The following NPAS3 variants were observed in gnomAD, a reference collection of about 807,000 sequenced individuals.
NPAS3 encodes the protein neuronal PAS domain-containing protein 3.
Under a neutral mutation model 73.1 loss-of-function variants are expected in NPAS3, and 14 were observed. The ratio of observed to expected loss-of-function variants is 0.19; its 90% confidence interval spans 0.13 to 0.30. The LOEUF (loss-of-function observed/expected upper bound fraction) is 0.30, where lower values mean the gene tolerates loss of function less well. Among genes scored for constraint, NPAS3 ranks in the 10% least tolerant of loss-of-function variants. The pLI is 1.00. For synonymous variants in NPAS3, 620 were observed against 541.5 expected, an observed-to-expected ratio of 1.14 and a Z score of -2.01; for missense variants, 1,096 against 1,250.0, an observed-to-expected ratio of 0.88 and a Z score of 1.86.
At chr14:33,435,933 G>GCAGACAT (rs2048970221) in intron 4 of NPAS3, among the ~76,000 whole-genome samples, 1 of 152,180 alleles carries the variant, frequency 6.6e-6, no homozygotes, top group South Asian at 2.1e-4. Context: ...TTGAGGCCTC[G>GCAGACAT]CAGACATCAC....
chr14:33,380,843 T>C (rs547765499), intron 4 of NPAS3, among the ~76,000 whole-genome samples: 1 of 152,218 alleles, frequency 6.6e-6, no homozygotes, highest in South Asian at 2.1e-4. Flanking sequence ...ATTCTAAAGA[T>C]ATAAAAAATG....
chr14:33,767,632 T>C (rs930080711), intron 7 of NPAS3, among the ~76,000 whole-genome samples: 1 of 151,860 alleles, frequency 6.6e-6, no homozygotes, highest in African/African-American at 2.4e-5. Flanking sequence ...TGAAGCCTTT[T>C]TCGTTCCCCT....
At chr14:33,286,236 C>A (rs2041868196) in intron 3 of NPAS3, among the ~76,000 whole-genome samples, 1 of 152,108 alleles carries the variant, frequency 6.6e-6, no homozygotes, top group South Asian at 2.1e-4. Flanking sequence ...CTACATAGAT[C>A]AATATTTTTC....
chr14:33,589,916 A>T (rs964357737), intron 5 of NPAS3, among the ~76,000 whole-genome samples: 1 of 152,194 alleles, frequency 6.6e-6, no homozygotes, highest in Non-Finnish European at 1.5e-5. Context: ...AGCACTTTTC[A>T]TTAGAGAAGA....
chr14:33,732,081 C>A (rs963376575), intron 6 of NPAS3, among the ~76,000 whole-genome samples: 1 of 152,182 alleles, frequency 6.6e-6, no homozygotes, highest in Non-Finnish European at 1.5e-5. Context: ...GACAGAAAAG[C>A]ATTTCATGTC....
At chr14:33,100,883 T>G (rs1403206916) in intron 2 of NPAS3, among the ~76,000 whole-genome samples, 1 of 152,198 alleles carries the variant, frequency 6.6e-6, no homozygotes, top group Non-Finnish European at 1.5e-5. Context: ...ATGTTATGTT[T>G]GAAGGTAAAT....
At chr14:32,963,070 A>C (rs2037000713) in intron 1 of NPAS3, among the ~76,000 whole-genome samples, 1 of 152,072 alleles carries the variant, frequency 6.6e-6, no homozygotes, top group Admixed American at 6.5e-5. Context: ...GCTGCTATCC[A>C]GTGGCTTTTC....
At chr14:33,029,254 G>A (rs1427074606) in intron 1 of NPAS3, among the ~76,000 whole-genome samples, 1 of 152,162 alleles carries the variant, frequency 6.6e-6, no homozygotes, top group Non-Finnish European at 1.5e-5. Context: ...GCAGTGGGGA[G>A]CATTGACAGT....
chr14:33,726,689 T>C (rs768598177), intron 6 of NPAS3, among the ~76,000 whole-genome samples: 5 of 152,150 alleles, frequency 3.3e-5, no homozygotes, highest in Non-Finnish European at 7.4e-5. Context: ...GTAAGCACTG[T>C]TATGAATGGT....
At chr14:33,487,894 T>C (rs2051690454) in intron 4 of NPAS3, among the ~76,000 whole-genome samples, 1 of 152,178 alleles carries the variant, frequency 6.6e-6, no homozygotes, top group Admixed American at 6.5e-5. Flanking sequence ...TGAATAATTA[T>C]TTCTGATACA....
chr14:33,360,390 A>G (rs929409958), intron 3 of NPAS3, among the ~76,000 whole-genome samples: 1 of 152,224 alleles, frequency 6.6e-6, no homozygotes, highest in African/African-American at 2.4e-5. Flanking sequence ...AGCACACTCC[A>G]TATCTCTGCT....
intron 1 of NPAS3, among the ~76,000 whole-genome samples, chr14:32,994,842 G>C (rs2038500559): frequency 1.3e-5 from 2 of 152,052 alleles, no homozygotes; most frequent in African/African-American, 4.8e-5. Flanking sequence ...ATGTTGGCCA[G>C]GCTGGTCTCG....
At chr14:33,475,986 G>T (rs1231182161) in intron 4 of NPAS3, among the ~76,000 whole-genome samples, 2 of 152,166 alleles carry the variant, frequency 1.3e-5, no homozygotes, top group Non-Finnish European at 2.9e-5. Context: ...GAGAAACTAC[G>T]TGATTTACTA....
chr14:33,751,790 A>G (rs973209046), intron 7 of NPAS3, among the ~76,000 whole-genome samples: 1 of 152,206 alleles, frequency 6.6e-6, no homozygotes, highest in African/African-American at 2.4e-5. Flanking sequence ...CAACCTTTGT[A>G]AACAGTGTTG....
chr14:33,220,594 T>C (rs984167712), intron 3 of NPAS3, among the ~76,000 whole-genome samples: 4 of 152,212 alleles, frequency 2.6e-5, no homozygotes, highest in Admixed American at 2.6e-4. Flanking sequence ...CTATCATCTT[T>C]GACACTGGGC....
chr14:33,400,844 T>A (rs2047414653), intron 4 of NPAS3, among the ~76,000 whole-genome samples: 1 of 151,888 alleles, frequency 6.6e-6, no homozygotes, highest in Admixed American at 6.6e-5. Context: ...ATAGAAAAAA[T>A]TATCCCACCA....
At chr14:33,515,666 A>G (rs577262677) in intron 4 of NPAS3, among the ~76,000 whole-genome samples, 7 of 152,140 alleles carry the variant, frequency 4.6e-5, no homozygotes, top group Admixed American at 2.0e-4. Context: ...GCATTAGACA[A>G]TTCTTCCAAC....
intron 7 of NPAS3, among the ~76,000 whole-genome samples, chr14:33,743,578 A>T (rs998555914): frequency 3.9e-5 from 6 of 152,212 alleles, no homozygotes; most frequent in African/African-American, 1.4e-4. Flanking sequence ...AGAATAAGTG[A>T]GCATTGGCTT....
intron 2 of NPAS3, among the ~76,000 whole-genome samples, chr14:33,078,532 C>CA (rs200285065): frequency 4.7e-4 from 30 of 63,332 alleles, no homozygotes; most frequent in East Asian, 2.6e-3. Flanking sequence ...AAAACAAAAC[C>CA]AAAAAAAAAA....
Sources: allele counts gnomAD v4.1 joint callset (sites outside exome capture counted in the v4.1 genomes callset), GRCh38; gene constraint gnomAD v4.1.1; transcripts MANE v1.5; gene names NCBI Gene and HGNC (gene_info 2026-07-23, HGNC 2026-07-21).